Variants in SIPA1L1 observed in about 807,000 individuals in gnomAD.
SIPA1L1 encodes the protein signal-induced proliferation-associated 1-like protein 1.
SIPA1L1 carries 26 observed loss-of-function variants against 162.7 expected under a neutral mutation model. The ratio of observed to expected loss-of-function variants is 0.16; its 90% confidence interval spans 0.12 to 0.22. The LOEUF (loss-of-function observed/expected upper bound fraction) is 0.22. SIPA1L1 is among the 10% of genes least tolerant of loss of function. The pLI is 1.00. For missense variants in SIPA1L1, 1,874 were observed against 2,241.0 expected, an observed-to-expected ratio of 0.84 and a Z score of 3.31; for synonymous variants, 829 against 837.4, an observed-to-expected ratio of 0.99 and a Z score of 0.17.
chr14:71,376,221 T>A (rs1171169236), intron 2 of SIPA1L1, among the ~76,000 whole-genome samples: 2 of 152,158 alleles, frequency 1.3e-5, no homozygotes, highest in African/African-American at 4.8e-5. Flanking sequence ...AAAAAATATA[T>A]GGCTACTTAG....
chr14:71,417,469 C>CAAAAAAAAAAAAAAAAAAAAAAAAAA (rs58628136), intron 2 of SIPA1L1, among the ~76,000 whole-genome samples: 4 of 17,768 alleles, frequency 2.3e-4, no homozygotes, highest in East Asian at 1.2e-3. Flanking sequence ...GACTCCGTCT[C>CAAAAAAAAAAAAAAAAAAAAAAAAAA]AAAAAAAAAA....
intron 7 of SIPA1L1, among the ~76,000 whole-genome samples, chr14:71,626,938 CT>C (rs2040053544): frequency 6.6e-6 from 1 of 151,752 alleles, no homozygotes; most frequent in African/African-American, 2.4e-5. Context: ...AAAATTTTAT[CT>C]ATTAAATATA....
intron 2 of SIPA1L1, among the ~76,000 whole-genome samples, chr14:71,472,849 A>AC (rs2047567346): frequency 1.2e-3 from 1 of 866 alleles, no homozygotes; most frequent in Non-Finnish European, 0.033. Flanking sequence ...ATGAAAACTT[A>AC]AAAAAAAAAA....
intron 7 of SIPA1L1, among the ~76,000 whole-genome samples, chr14:71,640,786 G>A (rs1021834558): frequency 2.0e-5 from 3 of 152,042 alleles, no homozygotes; most frequent in South Asian, 2.1e-4. Flanking sequence ...CCCTACGCCC[G>A]GCTAACTTTT....
intron 2 of SIPA1L1, among the ~76,000 whole-genome samples, chr14:71,357,813 T>C (rs41228): frequency 0.7 from 106,620 of 152,062 alleles, 37,959 homozygotes; most frequent in Non-Finnish European, 0.74. Flanking sequence ...CTGCAACCTC[T>C]GCCTCCTGGG....
At chr14:71,597,158 T>C (rs1477251100) in intron 5 of SIPA1L1, among the ~76,000 whole-genome samples, 1 of 151,912 alleles carries the variant, frequency 6.6e-6, no homozygotes, top group Non-Finnish European at 1.5e-5. Flanking sequence ...TTTTTTTGTT[T>C]GTTTGTAGAG....
chr14:71,632,197 G>A (rs1017443354), intron 7 of SIPA1L1, among the ~76,000 whole-genome samples: 2 of 152,174 alleles, frequency 1.3e-5, no homozygotes, highest in African/African-American at 4.8e-5. Flanking sequence ...GAATCTGAAA[G>A]GTGGAGAGAA....
chr14:71,442,243 T>A (rs1455925849), intron 2 of SIPA1L1, among the ~76,000 whole-genome samples: 1 of 143,648 alleles, frequency 7.0e-6, no homozygotes. Context: ...ATTAAAAAAA[T>A]TCAGAACATA....
intron 13 of SIPA1L1, among the ~76,000 whole-genome samples, chr14:71,689,472 A>T (rs1168866096): frequency 6.6e-6 from 1 of 152,310 alleles, no homozygotes; most frequent in East Asian, 1.9e-4. Flanking sequence ...TAAGGGTAGG[A>T]TTGAAATAAA....
chr14:71,734,190 G>A (rs895205428), intron 21 of SIPA1L1, among the ~76,000 whole-genome samples: 17 of 152,234 alleles, frequency 1.1e-4, no homozygotes, highest in African/African-American at 3.4e-4. Context: ...TTGGCCACGC[G>A]CCTATCCTCA....
intron 2 of SIPA1L1, among the ~76,000 whole-genome samples, chr14:71,334,030 G>A (rs1275836420): frequency 4.6e-5 from 7 of 152,154 alleles, no homozygotes; most frequent in Non-Finnish European, 1.0e-4. Flanking sequence ...TGGAATAATG[G>A]GGATGCCATT....
intron 10 of SIPA1L1, among the ~76,000 whole-genome samples, chr14:71,670,679 A>C (rs1410717417): frequency 6.6e-6 from 1 of 152,210 alleles, no homozygotes; most frequent in East Asian, 1.9e-4. Flanking sequence ...TATAGCCATC[A>C]TATCTAAAAT....
chr14:71,518,540 T>C (rs2144742664), intron 3 of SIPA1L1, among the ~76,000 whole-genome samples: 1 of 152,338 alleles, frequency 6.6e-6, no homozygotes. Flanking sequence ...TTCTTGGGCT[T>C]TTGATTTTTC....
rs1240047238 is a variant in SIPA1L1, at chr14:71,377,842, G to A, written c.-465+56661G>A. Among the ~76,000 whole-genome samples the A allele has an allele frequency of 3.9e-5, 6 of 152,176 alleles. No homozygotes were observed. The highest frequency in any genetic ancestry group is 1.4e-4 in the African/African-American group (6 of 41,448). ...AATACAAAAACCAGTCAGGCGTGGC[G>A]GCGCGTGCCTGCAATCCCAGGCACT... On this transcript the variant is annotated intron_variant, in intron 2 of 23. Transcript: ENST00000381232. This position sits in a 1 kb window ranked among gnomAD's most constrained non-coding sequence, Gnocchi z 4.8.
chr14:71,390,193 A>G (rs1488772996), intron 2 of SIPA1L1, among the ~76,000 whole-genome samples: 3 of 152,206 alleles, frequency 2.0e-5, no homozygotes, highest in Non-Finnish European at 4.4e-5. Flanking sequence ...TTCATCCTAA[A>G]TGTGTTAAAC....
At chr14:71,558,132 CAAAGT>C (rs1484034616) in intron 4 of SIPA1L1, among the ~76,000 whole-genome samples, 6 of 152,034 alleles carry the variant, frequency 3.9e-5, no homozygotes, top group Admixed American at 6.5e-5. Flanking sequence ...GTCTGTCTCT[CAAAGT>C]AAATATAAAC....
At chr14:71,594,188 CAT>C in intron 5 of SIPA1L1, among the ~76,000 whole-genome samples, 1 of 152,278 alleles carries the variant, frequency 6.6e-6, no homozygotes, top group East Asian at 1.9e-4. Context: ...CCATCTTTAA[CAT>C]AGTTTCTTTA....
chr14:71,514,620 G>A (rs2051521493), intron 3 of SIPA1L1, among the ~76,000 whole-genome samples: 1 of 152,166 alleles, frequency 6.6e-6, no homozygotes, highest in African/African-American at 2.4e-5. Flanking sequence ...TCCTGGGAGT[G>A]TGGGGGCCCA....
At chr14:71,682,708 T>G (rs2045917269) in intron 12 of SIPA1L1, among the ~76,000 whole-genome samples, 1 of 152,242 alleles carries the variant, frequency 6.6e-6, no homozygotes, top group African/African-American at 2.4e-5. Flanking sequence ...TTAAGCAGTT[T>G]AAAAGACTAT....
Sources: allele counts gnomAD v4.1 joint callset (sites outside exome capture counted in the v4.1 genomes callset), GRCh38; gene constraint gnomAD v4.1.1; non-coding constraint Gnocchi (gnomAD v3.1); transcripts MANE v1.5; gene names NCBI Gene and HGNC (gene_info 2026-07-23, HGNC 2026-07-21).